The following IGSF21 variants were observed in gnomAD, a reference collection of about 807,000 sequenced individuals.
The protein encoded by IGSF21 is immunoglobulin superfamily member 21.
A neutral mutation model predicts 46.8 loss-of-function variants in IGSF21; 28 were observed. The ratio of observed to expected loss-of-function variants is 0.60; its 90% CI spans 0.44 to 0.82. IGSF21 has a LOEUF of 0.82. Ranked by LOEUF, IGSF21 falls within the 40% of genes least tolerant of loss-of-function variation. IGSF21 has a pLI of 0.00. For missense variants in IGSF21, 624 were observed against 665.5 expected, an observed-to-expected ratio of 0.94 and a Z score of 0.69; for synonymous variants, 284 against 273.6, an observed-to-expected ratio of 1.04 and a Z score of -0.38.
At chr1:18,309,787 G>A (rs1271348749) in intron 3 of IGSF21, among the ~76,000 whole-genome samples, 1 of 152,184 alleles carries the variant, frequency 6.6e-6, no homozygotes, top group Non-Finnish European at 1.5e-5. Flanking sequence ...GCCCTGGGAG[G>A]GCTGGAGCTG....
intron 4 of IGSF21, among the ~76,000 whole-genome samples, chr1:18,350,439 T>C (rs986776244): frequency 3.3e-5 from 5 of 152,198 alleles, no homozygotes; most frequent in African/African-American, 1.2e-4. Context: ...CCAGAAGTTG[T>C]GTTCCTTTGG....
chr1:18,164,590 G>A (rs989528187), intron 1 of IGSF21, among the ~76,000 whole-genome samples: 5 of 152,252 alleles, frequency 3.3e-5, no homozygotes, highest in African/African-American at 7.2e-5. Flanking sequence ...AATGTTGCCC[G>A]TCTGATCAGT....
chr1:18,295,154 A>G (rs1224117873), intron 3 of IGSF21, among the ~76,000 whole-genome samples: 1 of 152,088 alleles, frequency 6.6e-6, no homozygotes, highest in Non-Finnish European at 1.5e-5. Context: ...GATCATCAGG[A>G]CTTCTGCCCC....
intron 2 of IGSF21, among the ~76,000 whole-genome samples, chr1:18,231,645 T>C (rs1313110767): frequency 6.6e-6 from 1 of 152,192 alleles, no homozygotes; most frequent in African/African-American, 2.4e-5. Context: ...ATTTCCTCAG[T>C]CAGACTAGCC....
intron 1 of IGSF21, among the ~76,000 whole-genome samples, chr1:18,126,717 A>G (rs1485356825): frequency 1.3e-5 from 2 of 152,038 alleles, no homozygotes; most frequent in East Asian, 3.9e-4. Flanking sequence ...GAAATATTTT[A>G]TGATCCCATG....
At chr1:18,301,397 T>C (rs868576847) in intron 3 of IGSF21, among the ~76,000 whole-genome samples, 20 of 152,240 alleles carry the variant, frequency 1.3e-4, no homozygotes, top group Admixed American at 3.3e-4. Flanking sequence ...TGGAGTGCAC[T>C]GGCACGATCT....
intron 1 of IGSF21, among the ~76,000 whole-genome samples, chr1:18,126,545 T>C (rs1468635249): frequency 1.3e-5 from 2 of 152,228 alleles, no homozygotes; most frequent in African/African-American, 4.8e-5. Context: ...ACTCTGACCC[T>C]GGACCCGAGG....
chr1:18,227,999 G>A lies in IGSF21; in HGVS notation c.172G>A (p.Val58Met), dbSNP rs775253227. 10 of 1,613,292 alleles carry A rather than the reference G, an allele frequency of 6.2e-6. No individual in the cohort carries two copies. The highest frequency in any genetic ancestry group is 7.6e-6 in the Non-Finnish European group (9 of 1,179,344). The change falls in exon 2 of 10, where the codon GTG (valine) becomes ATG (methionine). Residue 58 changes from valine to methionine, a missense_variant. Coordinates refer to ENST00000251296, the MANE Select transcript of IGSF21 (RefSeq NM_032880.5). ...FKTDGRMREI[V>M]WYRVTDGGTI... is the part of the protein sequence containing the mutation. ...GACAGATGGGCGCATGCGGGAGATC[G>A]TGTGGTACCGGGTAAGTCACTACTA...
intron 1 of IGSF21, among the ~76,000 whole-genome samples, chr1:18,152,019 C>A (rs947662257): frequency 4.6e-5 from 7 of 152,206 alleles, no homozygotes; most frequent in African/African-American, 1.7e-4. Flanking sequence ...CTTTTTCACA[C>A]TTAATCACTG....
chr1:18,227,808 C>A, intron 1 of IGSF21, 90 bp from the exon 2 acceptor site: 1 of 880,190 alleles, frequency 1.1e-6, no homozygotes, highest in Non-Finnish European at 1.9e-6. Flanking sequence ...CTTCCCTCCT[C>A]TGTCTGCTGT....
chr1:18,298,489 C>A (rs1309175669), intron 3 of IGSF21, among the ~76,000 whole-genome samples: 2 of 152,190 alleles, frequency 1.3e-5, no homozygotes, highest in African/African-American at 4.8e-5. Context: ...CATGCTGTGT[C>A]TTCCATTTCC....
chr1:18,343,396 G>A (rs1238874019), intron 4 of IGSF21, among the ~76,000 whole-genome samples: 2 of 148,896 alleles, frequency 1.3e-5, no homozygotes, highest in Non-Finnish European at 1.5e-5. Flanking sequence ...TGTGTAGATT[G>A]TCTTTTTACT....
At chr1:18,303,722 TA>T (rs2085384226) in intron 3 of IGSF21, among the ~76,000 whole-genome samples, 2 of 152,202 alleles carry the variant, frequency 1.3e-5, no homozygotes, top group Non-Finnish European at 2.9e-5. Flanking sequence ...GCAGGACAGG[TA>T]AGTTCTCTGT....
chr1:18,320,027 A>T (rs1387249060), intron 3 of IGSF21, among the ~76,000 whole-genome samples: 2 of 152,204 alleles, frequency 1.3e-5, no homozygotes, highest in Admixed American at 6.5e-5. Context: ...GATATGTTGG[A>T]TGCATGAATG....
At chr1:18,286,654 T>G (rs1460407754) in intron 2 of IGSF21, among the ~76,000 whole-genome samples, 1 of 152,194 alleles carries the variant, frequency 6.6e-6, no homozygotes, top group Non-Finnish European at 1.5e-5. Context: ...GCCAGGCTAC[T>G]CTTACCAGGG....
rs79041254 is a variant in IGSF21, at chr1:18,365,767, G to A, written c.1015+70G>A. On this transcript the variant is annotated intron_variant, in intron 6 of 9. Coordinates refer to ENST00000251296, the MANE Select transcript of IGSF21 (RefSeq NM_032880.5). The surrounding 1 kb of genome is among the most constrained non-coding windows in gnomAD (Gnocchi z 4.8). ...GGTGTGGGGAGAGCCTTGGAATAGGGTTCCTGGGCTGAGGACAGCCATGGA... is the reference window on the plus strand; with the variant it reads ...GGTGTGGGGAGAGCCTTGGAATAGGATTCCTGGGCTGAGGACAGCCATGGA... The A allele has an allele frequency of 1.3e-3, 1,722 of 1,323,340 alleles. 26 individuals carry two copies. The African/African-American group carries it at 0.023, about 17-fold the overall frequency. 82.0% of individuals were successfully genotyped at this position (1,323,340 alleles called of 1,614,324 possible). A position where few individuals can be genotyped will look rare whatever the true frequency, so the allele number is the denominator to read the frequency against.
chr1:18,153,298 C>T (rs1289393070), intron 1 of IGSF21, among the ~76,000 whole-genome samples: 1 of 152,252 alleles, frequency 6.6e-6, no homozygotes. Flanking sequence ...ATGTCCATCC[C>T]ATTAGCATCC....
At chr1:18,121,081 CA>C (rs1258911641) in intron 1 of IGSF21, among the ~76,000 whole-genome samples, 1 of 152,182 alleles carries the variant, frequency 6.6e-6, no homozygotes, top group Non-Finnish European at 1.5e-5. Flanking sequence ...TGGTCCACAT[CA>C]GTTATGAAGA....
intron 1 of IGSF21, among the ~76,000 whole-genome samples, chr1:18,145,084 A>T (rs950132310): frequency 1.3e-5 from 2 of 152,180 alleles, no homozygotes; most frequent in Non-Finnish European, 2.9e-5. Context: ...AAGGCACAAA[A>T]AAGAAAATAG....
Sources: gnomAD v4.1 joint callset for allele counts (sites outside exome capture counted in the v4.1 genomes callset) on GRCh38, gnomAD v4.1.1 for gene constraint, Gnocchi (gnomAD v3.1) non-coding constraint, MANE v1.5 for transcripts, NCBI Gene and HGNC (gene_info 2026-07-23, HGNC 2026-07-21) for gene names.